RFFL: variants seen among roughly 807,000 people sequenced by gnomAD.
The protein encoded by RFFL is E3 ubiquitin-protein ligase rififylin.
In RFFL, 16 loss-of-function variants were observed where a neutral mutation model predicts 40.4. The ratio of observed to expected loss-of-function variants is 0.40; its 90% CI spans 0.27 to 0.60. The LOEUF (loss-of-function observed/expected upper bound fraction) is 0.60. Among genes scored for constraint, RFFL ranks in the 20% least tolerant of loss-of-function variants. The pLI is 0.47. For synonymous variants in RFFL, 154 were observed against 167.9 expected (o/e 0.92, Z 0.64); for missense variants, 367 against 451.7 (o/e 0.81, Z 1.70).
intron 1 of RFFL, chr17:35,074,101 C>G (rs1223396730): frequency 2.0e-5 from 3 of 151,956 alleles, no homozygotes; most frequent in African/African-American, 7.3e-5. Flanking sequence ...GGTGAAACAC[C>G]ATTTTTAGGA....
intron 1 of RFFL, among the ~76,000 whole-genome samples, chr17:35,036,761 A>G (rs371189730): frequency 1.2e-4 from 19 of 152,238 alleles, no homozygotes; most frequent in African/African-American, 3.9e-4. Flanking sequence ...TCATAGTTAG[A>G]GGCAAGAGGG....
intron 1 of RFFL, among the ~76,000 whole-genome samples, chr17:35,088,044 C>T (rs2091439623): frequency 6.6e-6 from 1 of 152,192 alleles, no homozygotes; most frequent in Admixed American, 6.5e-5. Flanking sequence ...GTAAATTGAA[C>T]TGTCACGGGG....
chr17:35,050,678 T>A (rs1454565819), intron 1 of RFFL, among the ~76,000 whole-genome samples: 17 of 149,388 alleles, frequency 1.1e-4, no homozygotes, highest in African/African-American at 3.4e-4. Context: ...AAAAAAAAAA[T>A]TAATTAAAAT....
intron 1 of RFFL, among the ~76,000 whole-genome samples, chr17:35,060,865 C>A (rs2142367630): frequency 6.6e-6 from 1 of 152,120 alleles, no homozygotes; most frequent in Non-Finnish European, 1.5e-5. Flanking sequence ...AAGAACTCAA[C>A]AGTCTAGTGG....
At chr17:35,065,305 C>A (rs994580160), upstream of RFFL, among the ~76,000 whole-genome samples, 1 of 152,106 alleles carries the variant, frequency 6.6e-6, no homozygotes, top group Non-Finnish European at 1.5e-5. Context: ...CCTATAATTG[C>A]AGCACTTTGG....
intron 1 of RFFL, among the ~76,000 whole-genome samples, chr17:35,035,675 T>A (rs940112533): frequency 2.0e-5 from 3 of 149,018 alleles, no homozygotes; most frequent in Non-Finnish European, 3.0e-5. Flanking sequence ...ATATATATAT[T>A]TTACTCCATA....
At chr17:35,056,721 T>G (rs1259318032) in intron 1 of RFFL, among the ~76,000 whole-genome samples, 1 of 151,994 alleles carries the variant, frequency 6.6e-6, no homozygotes, top group Non-Finnish European at 1.5e-5. Flanking sequence ...CCGTTCTATG[T>G]CCACTGCCAT....
At chr17:35,051,497 A>C (rs2091231513) in intron 1 of RFFL, among the ~76,000 whole-genome samples, 2 of 152,216 alleles carry the variant, frequency 1.3e-5, no homozygotes, top group African/African-American at 2.4e-5. Flanking sequence ...GTGACAATAA[A>C]GTACATTATT....
chr17:35,079,778 G>A (rs1216061980), intron 1 of RFFL, among the ~76,000 whole-genome samples: 2 of 152,140 alleles, frequency 1.3e-5, no homozygotes, highest in South Asian at 2.1e-4. Context: ...ACAGGAAGGT[G>A]GAATGCCCTT....
At chr17:35,032,956 G>A (rs1026431404) in intron 1 of RFFL, among the ~76,000 whole-genome samples, 1 of 152,076 alleles carries the variant, frequency 6.6e-6, no homozygotes, top group African/African-American at 2.4e-5. Context: ...TGTGCTCTTT[G>A]CCTAAGCAGT....
At chr17:35,019,702 A>G (rs2090996385) in intron 3 of RFFL, among the ~76,000 whole-genome samples, 3 of 151,948 alleles carry the variant, frequency 2.0e-5, no homozygotes, top group Admixed American at 2.0e-4. Context: ...AGAATTCCTC[A>G]AGTTCTTCTC....
chr17:35,072,741 A>T (rs1210745488), intron 1 of RFFL, among the ~76,000 whole-genome samples: 3 of 147,772 alleles, frequency 2.0e-5, no homozygotes, highest in Admixed American at 6.6e-5. Context: ...ACCTAAAAAT[A>T]AAGTATAAAA....
intron 1 of RFFL, chr17:35,069,624 T>C (rs1271840242): frequency 4.8e-6 from 1 of 209,088 alleles, no homozygotes; most frequent in Non-Finnish European, 9.9e-6. Context: ...TCTCTGAAGA[T>C]TATTGTGCTC....
chr17:35,065,625 T>C (rs957744284), upstream of RFFL, among the ~76,000 whole-genome samples: 1 of 147,948 alleles, frequency 6.8e-6, no homozygotes, highest in Non-Finnish European at 1.5e-5. Flanking sequence ...AGATACGAAC[T>C]ATATAAAGAG....
At chr17:35,089,111 C>G (rs940161064) in exon 1 of RFFL, 1 of 152,612 alleles carries the variant, frequency 6.6e-6, no homozygotes, top group African/African-American at 2.4e-5. Context: ...TCACCTGCTG[C>G]GGCCGCCCTC....
chr17:35,028,456 T>C (rs1056357971), intron 1 of RFFL, among the ~76,000 whole-genome samples: 1 of 152,000 alleles, frequency 6.6e-6, no homozygotes, highest in Non-Finnish European at 1.5e-5. Context: ...CTGGATCCAA[T>C]CCCTCAAATG....
intron 1 of RFFL, among the ~76,000 whole-genome samples, chr17:35,041,952 T>C (rs2091168932): frequency 6.6e-6 from 1 of 151,998 alleles, no homozygotes; most frequent in Non-Finnish European, 1.5e-5. Context: ...GAGGCAGAGG[T>C]TGCAGTGAGC....
intron 1 of RFFL, among the ~76,000 whole-genome samples, chr17:35,049,608 C>T (rs2091220095): frequency 6.6e-6 from 1 of 152,156 alleles, no homozygotes; most frequent in East Asian, 1.9e-4. Context: ...AGAGACTTGC[C>T]AAGGGGTGAA....
Position 35,027,724 on chromosome 17 carries a change from C to CAA in RFFL, c.-8-1165_-8-1164dup, listed in dbSNP as rs34594614. On this transcript the variant is annotated intron_variant, in intron 1 of 6. Transcript: ENST00000394597. The stretch of plus-strand genomic sequence containing the variant: ...GGACAACAAGAGTGAAACTCCGTCT[C>CAA]AAAAAAAAAAAAAAAAAAAAGTGTT... 2.3e-3 allele frequency among the ~76,000 whole-genome samples: 212 copies of CAA among 90,232 alleles called. 1 individual carries two copies. Among genetic ancestry groups the CAA allele is most frequent in the Admixed American group, 2.7e-3 (22 of 8,004 alleles). The allele number at this position is 90,232 out of a possible 152,430, so 59.2% of individuals were successfully genotyped here.
Sources: gnomAD v4.1 joint callset for allele counts (sites outside exome capture counted in the v4.1 genomes callset) on GRCh38, gnomAD v4.1.1 for gene constraint, MANE v1.5 for transcripts, NCBI Gene and HGNC (gene_info 2026-07-23, HGNC 2026-07-21) for gene names.